Variants in NPFFR2 observed in about 807,000 individuals in gnomAD.
NPFFR2 encodes G-protein coupled receptor 74.
A neutral mutation model predicts 13.1 loss-of-function variants in NPFFR2; 15 were observed. That is an observed-to-expected ratio of 1.15 (90% CI 0.77 to 1.76). The LOEUF (loss-of-function observed/expected upper bound fraction) is 1.76. Ranked by LOEUF, NPFFR2 falls within the 40% of genes most tolerant of loss-of-function variation. The pLI, the probability that NPFFR2 is intolerant of heterozygous loss-of-function variation, is 0.00. For synonymous variants in NPFFR2, 190 were observed against 175.7 expected (o/e 1.08, Z -0.65); for missense variants, 572 against 503.5 (o/e 1.14, Z -1.30).
chr4:72,076,534 A>C (rs1386199300), intron 1 of NPFFR2, among the ~76,000 whole-genome samples: 1 of 152,262 alleles, frequency 6.6e-6, no homozygotes, highest in Admixed American at 6.5e-5. Context: ...TATGAAAATA[A>C]GCCATTGTTT....
intron 2 of NPFFR2, among the ~76,000 whole-genome samples, chr4:72,136,325 T>G (rs982049421): frequency 3.3e-5 from 5 of 151,946 alleles, no homozygotes; most frequent in African/African-American, 1.2e-4. Context: ...AAGGCTACAG[T>G]GAACCATGAT....
Position 72,147,328 on chromosome 4 carries a change from A to C in NPFFR2, c.779A>C (p.Glu260Ala). 6.2e-7 allele frequency: 1 copy of C among 1,614,140 alleles called. No individual in the cohort carries two copies. Residue 260 changes from glutamate (E) to alanine (A), a missense_variant, in exon 4 of 4, where the codon GAG (glutamate) becomes GCG (alanine). By Grantham distance (107) the Glu-to-Ala change is moderately radical. Transcript: ENST00000308744. ...AVPHTGRKNQ[E>A]QWHVVSRKKQ... ...CCTCACACAGGCAGGAAGAACCAGG[A>C]GCAGTGGCACGTGGTGTCCAGGAAG...
At chr4:72,039,302 C>G (rs1455517470) in intron 1 of NPFFR2, 1 of 369,856 alleles carries the variant, frequency 2.7e-6, no homozygotes, top group Non-Finnish European at 3.7e-6. Flanking sequence ...TCGTGATCCA[C>G]CCACCTCGGC....
chr4:72,075,996 CACACACACACAGAGAGAGAGAGAG>C (rs1304230487), intron 1 of NPFFR2, among the ~76,000 whole-genome samples: 34 of 17,960 alleles, frequency 1.9e-3, no homozygotes, highest in South Asian at 4.5e-3. Context: ...CACACACACA[CACACACACACAGAGAGAGAGAGAG>C]GGCAGACAGC....
At chr4:72,075,774 G>A (rs1198088641) in intron 1 of NPFFR2, among the ~76,000 whole-genome samples, 1 of 152,022 alleles carries the variant, frequency 6.6e-6, no homozygotes, top group African/African-American at 2.4e-5. Context: ...GGAGGAGAAA[G>A]GAATGGGGAG....
intron 1 of NPFFR2, among the ~76,000 whole-genome samples, chr4:72,087,009 A>G (rs574252598): frequency 2.0e-5 from 3 of 152,222 alleles, no homozygotes; most frequent in South Asian, 2.1e-4. Flanking sequence ...AAATTGGGAG[A>G]GAAAAAGAAA....
At chr4:72,114,435 C>T (rs995201622) in intron 1 of NPFFR2, among the ~76,000 whole-genome samples, 16 of 151,714 alleles carry the variant, frequency 1.1e-4, no homozygotes, top group African/African-American at 3.9e-4. Flanking sequence ...ATAGTAATCT[C>T]TTAAATTATA....
chr4:72,135,717 G>C (rs911248605), intron 2 of NPFFR2, among the ~76,000 whole-genome samples: 2 of 151,522 alleles, frequency 1.3e-5, no homozygotes, highest in African/African-American at 4.8e-5. Flanking sequence ...TTTCCTATAA[G>C]TATTTTTCTT....
intron 1 of NPFFR2, among the ~76,000 whole-genome samples, chr4:72,037,255 G>C (rs1719062823): frequency 6.6e-6 from 1 of 151,402 alleles, no homozygotes; most frequent in South Asian, 2.1e-4. Flanking sequence ...AAAACTAGCT[G>C]GTCATAGTGG....
chr4:72,087,875 A>T (rs541779898), intron 1 of NPFFR2, among the ~76,000 whole-genome samples: 216 of 152,176 alleles, frequency 1.4e-3, no homozygotes, highest in Non-Finnish European at 1.5e-3. Flanking sequence ...GAAAAATGTT[A>T]TCTAAAGTCC....
rs1485966445 is a variant in NPFFR2 at position 72,138,029 on chromosome 4, T to C, written c.329-11T>C. On this transcript the variant is annotated splice_polypyrimidine_tract_variant and intron_variant, in intron 2 of 3. Transcript: ENST00000308744. ...ATGATCTTTTGAAAGACTGTTTCAT[T>C]TTCCTTTCAGGATGGCCATTTGGAA... 6.3e-7 allele frequency: 1 copy of C among 1,597,960 alleles called. No homozygotes were observed. The highest frequency in any genetic ancestry group is 1.7e-5 in the Admixed American group (1 of 59,294).
intron 1 of NPFFR2, among the ~76,000 whole-genome samples, chr4:72,046,068 A>G (rs148796739): frequency 7.2e-5 from 11 of 152,298 alleles, no homozygotes; most frequent in Admixed American, 3.3e-4. Flanking sequence ...AATAGGTAAT[A>G]TAATCATGTG....
At chr4:72,110,892 T>C (rs1339097806) in intron 1 of NPFFR2, among the ~76,000 whole-genome samples, 1 of 152,014 alleles carries the variant, frequency 6.6e-6, no homozygotes, top group East Asian at 1.9e-4. Context: ...AATTCAGTTA[T>C]CTTTCTGGTG....
intron 1 of NPFFR2, among the ~76,000 whole-genome samples, chr4:72,082,149 C>G (rs1453183384): frequency 1.3e-5 from 2 of 152,168 alleles, no homozygotes; most frequent in African/African-American, 4.8e-5. Flanking sequence ...TGGAAAGTAA[C>G]TGTATTCCCA....
At chr4:72,140,177 T>C (rs1722557983) in intron 3 of NPFFR2, among the ~76,000 whole-genome samples, 1 of 152,214 alleles carries the variant, frequency 6.6e-6, no homozygotes, top group Admixed American at 6.5e-5. Context: ...TGGGGTTTTC[T>C]AAATATACAA....
intron 3 of NPFFR2, among the ~76,000 whole-genome samples, chr4:72,138,785 G>T (rs1367647238): frequency 2.6e-5 from 4 of 152,132 alleles, no homozygotes; most frequent in Non-Finnish European, 5.9e-5. Context: ...CTAGTAATGG[G>T]ATTGCTGGGT....
chr4:72,070,561 G>GTGTGTGTGTGTGT (rs368654718), intron 1 of NPFFR2, among the ~76,000 whole-genome samples: 26,756 of 131,374 alleles, frequency 0.2, 3,736 homozygotes, highest in Middle Eastern at 0.25. Flanking sequence ...GTGTGTGTGT[G>GTGTGTGTGTGTGT]GGGGGGGGGG....
chr4:72,118,438 C>T (rs574952950), intron 1 of NPFFR2, among the ~76,000 whole-genome samples: 43 of 152,190 alleles, frequency 2.8e-4, no homozygotes, highest in African/African-American at 8.7e-4. Context: ...GAGTCTGAAT[C>T]ACAAAGGGAT....
In NPFFR2 at chr4:72,117,342, G is replaced by A. The variant is rs1721742814; in HGVS notation, c.-7-11243G>A. On this transcript the variant is annotated intron_variant, in intron 1 of 3. Coordinates refer to ENST00000308744, the MANE Select transcript of NPFFR2 (RefSeq NM_004885.3). ...TTTACATTTAATTTCTGCTTTTGAT[G>A]CTTTGGTTTAATCTGTTGGCATATG... is the stretch of plus-strand genomic sequence containing the variant. 1.3e-5 allele frequency among the ~76,000 whole-genome samples: 2 copies of A among 152,018 alleles called. 1 individual carries two copies. The highest frequency in any genetic ancestry group is 4.8e-5 in the African/African-American group (2 of 41,356).
Sources: allele counts gnomAD v4.1 joint callset (sites outside exome capture counted in the v4.1 genomes callset), GRCh38; gene constraint gnomAD v4.1.1; transcripts MANE v1.5; gene names NCBI Gene and HGNC (gene_info 2026-07-23, HGNC 2026-07-21).